The following TMEM71 variants were observed in gnomAD, a reference collection of about 807,000 sequenced individuals.
TMEM71 encodes transmembrane protein 71.
A neutral mutation model predicts 38.0 loss-of-function variants in TMEM71; 44 were observed. The ratio of observed to expected loss-of-function variants is 1.16; its 90% CI spans 0.91 to 1.49. The LOEUF (loss-of-function observed/expected upper bound fraction) is 1.49. TMEM71 is among the 40% of genes most tolerant of loss of function. The pLI is 0.00. For synonymous variants in TMEM71, 133 were observed against 122.5 expected (o/e 1.09, Z -0.56); for missense variants, 367 against 348.6 (o/e 1.05, Z -0.42).
the TMEM71 span, among the ~76,000 whole-genome samples, chr8:132,769,303 C>A: frequency 2.0e-5 from 3 of 152,152 alleles, no homozygotes; most frequent in Non-Finnish European, 4.4e-5. Flanking sequence ...CCAATAGTAT[C>A]TTTATTTCAA....
rs1001491692 is a variant in TMEM71 at position 132,713,147 on chromosome 8, G to C, written c.872+848C>G. 9.7e-5 allele frequency among the ~76,000 whole-genome samples: 13 copies of C among 134,496 alleles called. No individual in the cohort carries two copies. In the East Asian group the frequency reaches 2.5e-3, roughly 26 times the overall value. 88.2% of individuals were successfully genotyped at this position (134,496 alleles called of 152,430 possible). ...GGTGTGAGCCACCACACCCAGCCTT[G>C]TCATTAATTTCAAGGGCTAAATTAT... On this transcript the variant is annotated intron_variant, in intron 9 of 9. Transcript: ENST00000677595.
At chr8:132,744,522 G>T (rs562898643) in intron 5 of TMEM71, among the ~76,000 whole-genome samples, 10 of 152,266 alleles carry the variant, frequency 6.6e-5, no homozygotes, top group South Asian at 2.1e-4. Flanking sequence ...ACTGCTTAAA[G>T]AAATTATAAG....
chr8:132,755,394 T>G (rs1301637073), intron 3 of TMEM71, among the ~76,000 whole-genome samples: 3 of 152,202 alleles, frequency 2.0e-5, no homozygotes, highest in Non-Finnish European at 4.4e-5. Context: ...CTCTAATAAA[T>G]TTAGTAGTGG....
chr8:132,727,897 T>C lies in TMEM71; in HGVS notation c.577A>G (p.Ile193Val). The C allele has an allele frequency of 1.2e-6, 2 of 1,614,096 alleles. No individual in the cohort carries two copies. Among genetic ancestry groups the C allele is most frequent in the Non-Finnish European group, 1.7e-6 (2 of 1,180,008 alleles). The change falls in exon 6 of 10, where the codon ATC (isoleucine) becomes GTC (valine). Residue 193 changes from isoleucine (I) to valine (V), a missense_variant. By Grantham distance (29) the Ile-to-Val change is conservative (BLOSUM62 3). Coordinates refer to ENST00000677595, the MANE Select transcript of TMEM71 (RefSeq NM_001382403.1). ...ESVITSSSSH[I>V]ISQPPGGNSH... The stretch of plus-strand genomic sequence containing the variant: ...TTTCCTCCAGGAGGCTGAGATATGA[T>C]GTGGCTGGAAGAGGAGGTGATCACA...
intron 5 of TMEM71, among the ~76,000 whole-genome samples, chr8:132,732,801 G>A (rs1402860306): frequency 6.6e-6 from 1 of 152,164 alleles, no homozygotes; most frequent in African/African-American, 2.4e-5. Flanking sequence ...ACAACTTGGA[G>A]TGAGGTGAGG....
chr8:132,766,438 G>A, the TMEM71 span, among the ~76,000 whole-genome samples: 1 of 151,956 alleles, frequency 6.6e-6, no homozygotes, highest in Admixed American at 6.6e-5. Flanking sequence ...GGGAATTGTT[G>A]TATAATTTAC....
Position 132,722,108 on chromosome 8 carries a change from C to A in TMEM71, c.684G>T (p.Arg228Ser). 1 of 1,612,900 alleles carries A rather than the reference C, an allele frequency of 6.2e-7. No individual in the cohort carries two copies. Reference protein sequence around the residue: ...QENSSDHSETRLLQEVFFQAI... With the variant: ...QENSSDHSETSLLQEVFFQAI... ...CCTGAAAGAAGACCTCTTGCAACAA[C>A]CTGGTTTCTAATAGGAAGAACAAAA... The change falls in exon 7 of 10, where the codon AGG (arginine) becomes AGT (serine). Residue 228 changes from arginine to serine, a missense_variant. By Grantham distance (110) the Arg-to-Ser change is moderately radical. Coordinates refer to ENST00000677595, the MANE Select transcript of TMEM71 (RefSeq NM_001382403.1).
intron 5 of TMEM71, among the ~76,000 whole-genome samples, chr8:132,743,286 C>A (rs990716508): frequency 2.0e-5 from 3 of 152,156 alleles, no homozygotes; most frequent in Middle Eastern, 3.4e-3. Context: ...CTTCTATAGG[C>A]CATTCCTTTA....
At chr8:132,751,140 T>C (rs1828686585) in intron 4 of TMEM71, among the ~76,000 whole-genome samples, 2 of 152,180 alleles carry the variant, frequency 1.3e-5, no homozygotes, top group South Asian at 4.1e-4. Flanking sequence ...AGAGTACTGC[T>C]CAAACTTCTT....
the TMEM71 span, among the ~76,000 whole-genome samples, chr8:132,765,890 G>C: frequency 6.6e-6 from 1 of 152,026 alleles, no homozygotes; most frequent in African/African-American, 2.4e-5. Context: ...CCAGATTCAA[G>C]AGATTCTCCT....
chr8:132,724,863 T>G (rs1586788305), intron 6 of TMEM71, among the ~76,000 whole-genome samples: 2 of 152,156 alleles, frequency 1.3e-5, no homozygotes, highest in Non-Finnish European at 2.9e-5. Context: ...CAACAAAGTT[T>G]TGTTCATGTG....
chr8:132,773,903 T>G, the TMEM71 span, among the ~76,000 whole-genome samples: 1 of 152,200 alleles, frequency 6.6e-6, no homozygotes, highest in African/African-American at 2.4e-5. Flanking sequence ...CAAATCTCCA[T>G]AGTTAAAATA....
intron 7 of TMEM71, among the ~76,000 whole-genome samples, chr8:132,721,470 T>G (rs1047587723): frequency 1.3e-5 from 2 of 151,992 alleles, no homozygotes; most frequent in African/African-American, 4.8e-5. Flanking sequence ...GAAAAAGCAA[T>G]CCACTGTAAA....
chr8:132,743,329 T>C (rs1441515603), intron 5 of TMEM71, among the ~76,000 whole-genome samples: 1 of 152,124 alleles, frequency 6.6e-6, no homozygotes, highest in Non-Finnish European at 1.5e-5. Context: ...TTCATTGTAC[T>C]CCTGGTTCTC....
intron 9 of TMEM71, among the ~76,000 whole-genome samples, chr8:132,713,139 C>T (rs1206992524): frequency 1.4e-5 from 2 of 140,682 alleles, no homozygotes; most frequent in Non-Finnish European, 3.0e-5. Flanking sequence ...GCCACCACAC[C>T]CAGCCTTGTC....
chr8:132,718,428 C>T (rs1167623022), intron 7 of TMEM71, among the ~76,000 whole-genome samples: 10 of 131,898 alleles, frequency 7.6e-5, no homozygotes, highest in East Asian at 4.4e-4. Flanking sequence ...GACAGAGTCT[C>T]GCTCTGTTGC....
Position 132,711,029 on chromosome 8 carries a change from A to C in TMEM71, c.873-47T>G, listed in dbSNP as rs373947632. ...AGAAATGCATAATTCATCCCCATGC[A>C]CAGGAAATGCAGTATCTAATCACTG... is the stretch of plus-strand genomic sequence containing the variant. On this transcript the variant is annotated intron_variant, in intron 9 of 9. Transcript: ENST00000677595. 1.9e-6 allele frequency: 3 copies of C among 1,590,520 alleles called. No homozygotes were observed. In the African/African-American group the frequency reaches 4.1e-5, roughly 22 times the overall value.
At chr8:132,739,086 G>C (rs773575880) in intron 5 of TMEM71, among the ~76,000 whole-genome samples, 6 of 152,136 alleles carry the variant, frequency 3.9e-5, no homozygotes, top group Non-Finnish European at 8.8e-5. Context: ...TGTGTCTTCT[G>C]TCTAGGAAGC....
At chr8:132,724,883 C>T (rs891583866) in intron 6 of TMEM71, among the ~76,000 whole-genome samples, 5 of 152,134 alleles carry the variant, frequency 3.3e-5, no homozygotes, top group Admixed American at 3.3e-4. Flanking sequence ...GAAACATGCC[C>T]TTCCAAAACC....
Sources: gnomAD v4.1 joint callset for allele counts (sites outside exome capture counted in the v4.1 genomes callset) on GRCh38, gnomAD v4.1.1 for gene constraint, MANE v1.5 for transcripts, NCBI Gene and HGNC (gene_info 2026-07-23, HGNC 2026-07-21) for gene names.